SMCO1: variants seen among roughly 807,000 people sequenced by gnomAD.
SMCO1 encodes the protein single-pass membrane and coiled-coil domain-containing protein 1.
SMCO1 carries 9 observed loss-of-function variants against 7.5 expected under a neutral mutation model. The observed-to-expected ratio is 1.20, with a 90% CI of 0.72 to 2.09. The LOEUF (loss-of-function observed/expected upper bound fraction) is 2.09. Among genes scored for constraint, SMCO1 ranks in the 30% most tolerant of loss-of-function variants. The pLI, the probability that SMCO1 is intolerant of heterozygous loss-of-function variation, is 0.00. For synonymous variants in SMCO1, 90 were observed against 93.8 expected (o/e 0.96, Z 0.23); for missense variants, 219 against 253.1 (o/e 0.87, Z 0.91).
At chr3:196,519,707 C>T (rs1448101931), upstream of SMCO1, among the ~76,000 whole-genome samples, 1 of 152,156 alleles carries the variant, frequency 6.6e-6, no homozygotes, top group East Asian at 1.9e-4. Flanking sequence ...GAAGCCTTGC[C>T]TTTTACATAG....
intron 1 of SMCO1, 172 bp downstream of exon 1, chr3:196,514,988 C>A (rs1426144310): frequency 1.2e-5 from 9 of 737,964 alleles, no homozygotes; most frequent in Middle Eastern, 2.6e-4. Flanking sequence ...GATCCGCCCA[C>A]CTCGGCCTCC....
At chr3:196,515,124 A>G (rs775919393) in intron 1 of SMCO1, 36 bp downstream of exon 1, 26 of 1,610,504 alleles carry the variant, frequency 1.6e-5, no homozygotes, top group Non-Finnish European at 2.1e-5. Context: ...AGAATAGCAG[A>G]CCCATGCTTG....
intron 1 of SMCO1, among the ~76,000 whole-genome samples, chr3:196,513,407 G>T (rs1227015595): frequency 1.3e-5 from 2 of 151,954 alleles, no homozygotes; most frequent in African/African-American, 4.8e-5. Flanking sequence ...AAGGCAGGTG[G>T]ATCATGAGGT....
chr3:196,510,766 C>A (rs991680377), intron 1 of SMCO1, among the ~76,000 whole-genome samples: 2 of 152,148 alleles, frequency 1.3e-5, no homozygotes, highest in Admixed American at 6.6e-5. Flanking sequence ...TAGGGTTAGC[C>A]TTTCATGAAC....
At chr3:196,509,216 A>ATTT (rs35933912) in intron 2 of SMCO1, among the ~76,000 whole-genome samples, 2 of 108,020 alleles carry the variant, frequency 1.9e-5, no homozygotes, top group African/African-American at 3.7e-5. Flanking sequence ...CACCCGGCTA[A>ATTT]TTTTTTTTTT....
chr3:196,519,231 T>G (rs926124849), upstream of SMCO1, among the ~76,000 whole-genome samples: 5 of 152,214 alleles, frequency 3.3e-5, no homozygotes, highest in Non-Finnish European at 5.9e-5. Context: ...ATGGATGTAG[T>G]TCAGGATCTT....
Position 196,513,430 on chromosome 3 carries a change from A to C in SMCO1, c.50+1730T>G, listed in dbSNP as rs146698104. 4.3e-3 allele frequency among the ~76,000 whole-genome samples: 659 copies of C among 152,214 alleles called. 6 individuals are homozygous for C. Among genetic ancestry groups the C allele is most frequent in the African/African-American group, 0.015 (623 of 41,530 alleles). ...TGGATCATGAGGTCAAGAGATCGAG[A>C]CCATCCTGGCCAACATGGTAAAACC... On this transcript the variant is annotated intron_variant, in intron 1 of 2. Coordinates refer to ENST00000397537, the MANE Select transcript of SMCO1 (RefSeq NM_001077657.3).
upstream of SMCO1, among the ~76,000 whole-genome samples, chr3:196,517,375 GA>G (rs574203865): frequency 3.8e-3 from 571 of 152,160 alleles, 4 homozygotes; most frequent in African/African-American, 0.013. Flanking sequence ...TTCTAAGTTG[GA>G]ACTTTCAGCC....
At chr3:196,511,489 C>T (rs1733229902) in intron 1 of SMCO1, among the ~76,000 whole-genome samples, 1 of 75,236 alleles carries the variant, frequency 1.3e-5, no homozygotes, top group African/African-American at 9.8e-5. Flanking sequence ...CTGCCTGGGC[C>T]ACCTAGATTG....
rs934389129 is a variant in SMCO1 at position 196,507,185 on chromosome 3, A to C, written c.*702T>G. 13 of 152,348 alleles carry C rather than the reference A, an allele frequency of 8.5e-5. 2 individuals carry two copies. The highest frequency in any genetic ancestry group is 6.5e-4 in the Admixed American group (10 of 15,296). 9.4% of individuals were successfully genotyped at this position (152,348 alleles called of 1,614,324 possible). A position where few individuals can be genotyped will look rare whatever the true frequency, so the allele number is the denominator to read the frequency against. ...CAGTCTGGCTCATGGATTTATCCAG[A>C]ACTCATAGCTTGGTTTTCAGGCTTT... On this transcript the variant is annotated 3_prime_UTR_variant, in exon 3 of 3. Coordinates refer to ENST00000397537, the MANE Select transcript of SMCO1 (RefSeq NM_001077657.3).
rs560855352 is a variant in SMCO1, at chr3:196,514,823, C to A, written c.50+337G>T. Among the ~76,000 whole-genome samples the A allele has an allele frequency of 1.9e-4, 29 of 152,266 alleles. No individual in the cohort carries two copies. In the East Asian group the frequency reaches 5.0e-3, roughly 26 times the overall value. On this transcript the variant is annotated intron_variant, in intron 1 of 2. Coordinates refer to ENST00000397537, the MANE Select transcript of SMCO1 (RefSeq NM_001077657.3). ...GTGGCACGATCTCGGCTCACTGCAA[C>A]CTCCACCTCCCGGGTTCAAGTGATT...
At chr3:196,510,153 G>T (rs932390551) in intron 1 of SMCO1, among the ~76,000 whole-genome samples, 7 of 152,052 alleles carry the variant, frequency 4.6e-5, no homozygotes, top group African/African-American at 1.4e-4. Flanking sequence ...AATATTTTTT[G>T]TAGAGACCAG....
intron 1 of SMCO1, among the ~76,000 whole-genome samples, chr3:196,511,147 TGCCTG>T (rs1733214486): frequency 7.1e-6 from 1 of 140,672 alleles, no homozygotes; most frequent in African/African-American, 3.2e-5. Context: ...GAGGGAAACT[TGCCTG>T]AGCCACCTAG....
chr3:196,519,307 G>A (rs1053582694), upstream of SMCO1, among the ~76,000 whole-genome samples: 7 of 152,168 alleles, frequency 4.6e-5, no homozygotes, highest in African/African-American at 1.4e-4. Context: ...ACTAGTCCTC[G>A]TGCGAGCACG....
chr3:196,509,559 G>A lies in SMCO1; in HGVS notation c.161C>T (p.Ala54Val). 1 of 1,613,980 alleles carries A rather than the reference G, an allele frequency of 6.2e-7. No individual in the cohort carries two copies. The highest frequency in any genetic ancestry group is 8.5e-7 in the Non-Finnish European group (1 of 1,179,930). Residue 54 changes from alanine (A) to valine (V), a missense_variant, in exon 2 of 3, where the codon GCA becomes GTA. Transcript: ENST00000397537. ...TGCTGTCCACATCTCATCTTGGGCT[G>A]CTTGGCTTGCCAAAGCCTTACTATG... ...EHHSKALASQ[A>V]AQDEMWTAVR...
upstream of SMCO1, among the ~76,000 whole-genome samples, chr3:196,519,978 A>G (rs1733464926): frequency 6.6e-6 from 1 of 152,230 alleles, no homozygotes; most frequent in South Asian, 2.1e-4. Flanking sequence ...CCTGGGTCAC[A>G]CACCAAAAGG....
chr3:196,512,682 AT>A (rs1281976321), intron 1 of SMCO1, among the ~76,000 whole-genome samples: 17 of 150,898 alleles, frequency 1.1e-4, no homozygotes, highest in African/African-American at 4.1e-4. Flanking sequence ...TAATTTTTGT[AT>A]TTTTAGTAGA....
At chr3:196,515,093 T>C in intron 1 of SMCO1, 67 bp downstream of exon 1, 1 of 1,571,536 alleles carries the variant, frequency 6.4e-7, no homozygotes. Context: ...TATTCTTCAT[T>C]CTTCTCTTAC....
chr3:196,507,785 A>T lies in SMCO1; in HGVS notation c.*102T>A, dbSNP rs1258283549. The T allele has an allele frequency of 3.0e-6, 2 of 672,182 alleles. No individual in the cohort carries two copies. Among genetic ancestry groups the T allele is most frequent in the Non-Finnish European group, 5.1e-6 (2 of 392,990 alleles). 41.6% of individuals were successfully genotyped at this position (672,182 alleles called of 1,614,324 possible). On this transcript the variant is annotated 3_prime_UTR_variant, in exon 3 of 3. Transcript: ENST00000397537. ...GTCATAATTTATTTAACATCCTCTC[A>T]CTCTTTGCTATAAAAATAAGACTAT...
Sources: allele counts gnomAD v4.1 joint callset (sites outside exome capture counted in the v4.1 genomes callset), GRCh38; gene constraint gnomAD v4.1.1; transcripts MANE v1.5; gene names NCBI Gene and HGNC (gene_info 2026-07-23, HGNC 2026-07-21).